ARHGEF37: variants seen among roughly 807,000 people sequenced by gnomAD.
ARHGEF37 encodes Rho guanine nucleotide exchange factor (GEF) 37.
ARHGEF37 carries 55 observed loss-of-function variants against 71.1 expected under a neutral mutation model. That is an observed-to-expected ratio of 0.77 (90% CI 0.62 to 0.97). ARHGEF37 has a LOEUF of 0.97. Ranked by LOEUF, ARHGEF37 falls within the 50% of genes least tolerant of loss-of-function variation. The probability of loss-of-function intolerance (pLI) is 0.00; values close to 1 mark genes in which losing one functional copy is unlikely to be tolerated. For missense variants in ARHGEF37, 765 were observed against 836.8 expected, an observed-to-expected ratio of 0.91 and a Z score of 1.06; for synonymous variants, 327 against 350.6, an observed-to-expected ratio of 0.93 and a Z score of 0.75.
intron 3 of ARHGEF37, among the ~76,000 whole-genome samples, chr5:149,603,178 C>T (rs759589926): frequency 3.0e-4 from 46 of 152,250 alleles, no homozygotes; most frequent in Admixed American, 5.2e-4. Flanking sequence ...GGTGATCCGC[C>T]CACCTCAGCC....
At chr5:149,621,638 T>C in intron 8 of ARHGEF37, 95 bp from the exon 9 acceptor site, 1 of 1,192,226 alleles carries the variant, frequency 8.4e-7, no homozygotes, top group Non-Finnish European at 1.2e-6. Context: ...GGAGTTAGAC[T>C]GGAATCCAGG....
chr5:149,602,059 CTTT>C (rs3073461), intron 3 of ARHGEF37, among the ~76,000 whole-genome samples: 105 of 143,262 alleles, frequency 7.3e-4, no homozygotes, highest in Admixed American at 1.1e-3. Flanking sequence ...TCTTTTCTTT[CTTT>C]TTTTTTTTTT....
intron 1 of ARHGEF37, among the ~76,000 whole-genome samples, chr5:149,556,254 C>T (rs966915282): frequency 3.9e-5 from 6 of 152,086 alleles, no homozygotes; most frequent in Non-Finnish European, 7.4e-5. Flanking sequence ...AGTACAGTGG[C>T]GCGATCTCAG....
Position 149,601,100 on chromosome 5 carries a change from C to G in ARHGEF37, c.187-8C>G. 1 of 1,608,718 alleles carries G rather than the reference C, an allele frequency of 6.2e-7. No individual in the cohort carries two copies. Among genetic ancestry groups the G allele is most frequent in the African/African-American group, 1.3e-5 (1 of 74,956 alleles). On this transcript the variant is annotated splice_region_variant and splice_polypyrimidine_tract_variant and intron_variant, in intron 2 of 12. Coordinates refer to ENST00000333677, the MANE Select transcript of ARHGEF37 (RefSeq NM_001001669.3). The stretch of plus-strand genomic sequence containing the variant: ...AACCACCTCTCATGGCTTCTTTGTT[C>G]CTTCCAGTTGCCGCAGGGAGATCTG...
upstream of ARHGEF37, among the ~76,000 whole-genome samples, chr5:149,551,704 C>A (rs557321057): frequency 1.8e-4 from 28 of 152,368 alleles, no homozygotes; most frequent in African/African-American, 6.5e-4. Context: ...GCTGAGTGGC[C>A]CCCCGGCCTT....
upstream of ARHGEF37, among the ~76,000 whole-genome samples, chr5:149,580,975 G>A (rs1312648517): frequency 2.0e-5 from 3 of 152,210 alleles, no homozygotes; most frequent in Non-Finnish European, 4.4e-5. Flanking sequence ...GCCCAGAACA[G>A]TGTCTTGCTC....
At chr5:149,626,241 AACACACACACACACACACACAC>A (rs58263212) in intron 10 of ARHGEF37, among the ~76,000 whole-genome samples, 1 of 133,636 alleles carries the variant, frequency 7.5e-6, no homozygotes, top group Non-Finnish European at 1.6e-5. Context: ...GAGCATGGTG[AACACACACACACACACACACAC>A]ACACACACAC....
In ARHGEF37 at chr5:149,634,855, A is replaced by G. The variant is rs1056189; in HGVS notation, c.*2664A>G. The G allele has an allele frequency of 0.11, 16,908 of 152,532 alleles. 1,452 individuals carry two copies. Among genetic ancestry groups the G allele is most frequent in the African/African-American group, 0.23 (9,531 of 41,484 alleles). 9.4% of individuals were successfully genotyped at this position (152,532 alleles called of 1,614,324 possible). Reference sequence around the variant, plus strand: ...CCCCAACTCAGTTGTGGAGATGAGGACAAGATTACAATATCAAAAGAAAGA... The same window carrying G: ...CCCCAACTCAGTTGTGGAGATGAGGGCAAGATTACAATATCAAAAGAAAGA... On this transcript the variant is annotated 3_prime_UTR_variant, in exon 13 of 13. Coordinates refer to ENST00000333677, the MANE Select transcript of ARHGEF37 (RefSeq NM_001001669.3).
At chr5:149,584,881 C>A (rs1027282968) in intron 1 of ARHGEF37, among the ~76,000 whole-genome samples, 5 of 152,132 alleles carry the variant, frequency 3.3e-5, no homozygotes, top group African/African-American at 1.2e-4. Flanking sequence ...CTTGGCCTCC[C>A]AAAGTGCTAG....
chr5:149,609,706 C>G lies in ARHGEF37; in HGVS notation c.458+11C>G. ...CGTTGAGGCGGTGGTGTGAGTAGAA[C>G]GGCCAGTGAGCACTCGCTCCTACCC... is the stretch of plus-strand genomic sequence containing the variant. On this transcript the variant is annotated intron_variant, in intron 4 of 12. Coordinates refer to ENST00000333677, the MANE Select transcript of ARHGEF37 (RefSeq NM_001001669.3). 1 of 1,612,084 alleles carries G rather than the reference C, an allele frequency of 6.2e-7. No homozygotes were observed. The highest frequency in any genetic ancestry group is 1.7e-5 in the Admixed American group (1 of 60,018).
chr5:149,565,590 G>T (rs910903961), intron 1 of ARHGEF37, among the ~76,000 whole-genome samples: 1 of 152,166 alleles, frequency 6.6e-6, no homozygotes, highest in African/African-American at 2.4e-5. Flanking sequence ...TAGCCATGAG[G>T]CATGTCTCTA....
intron 5 of ARHGEF37, among the ~76,000 whole-genome samples, chr5:149,617,573 C>T (rs143015181): frequency 8.9e-4 from 135 of 152,354 alleles, no homozygotes; most frequent in Non-Finnish European, 1.5e-3. Flanking sequence ...GAGGTTGGCC[C>T]TGTTAGCCCC....
intron 1 of ARHGEF37, among the ~76,000 whole-genome samples, chr5:149,596,746 G>T (rs554039360): frequency 6.6e-6 from 1 of 152,280 alleles, no homozygotes; most frequent in South Asian, 2.1e-4. Context: ...ACAGGAGGGG[G>T]CATGGCAAGT....
intron 10 of ARHGEF37, among the ~76,000 whole-genome samples, chr5:149,625,147 C>T (rs965118458): frequency 2.0e-5 from 3 of 152,084 alleles, no homozygotes; most frequent in Admixed American, 1.3e-4. Flanking sequence ...TCAAGTGATC[C>T]ACCCGCCTCA....
Position 149,621,734 on chromosome 5 carries a change from A to G in ARHGEF37, c.1007A>G (p.Lys336Arg), listed in dbSNP as rs757167558. 1 of 1,608,904 alleles carries G rather than the reference A, an allele frequency of 6.2e-7. No homozygotes were observed. Among genetic ancestry groups the G allele is most frequent in the Non-Finnish European group, 8.5e-7 (1 of 1,176,618 alleles). Residue 336 changes from lysine to arginine, a missense_variant and splice_region_variant, in exon 9 of 13, where the codon AAG becomes AGG. Lys to Arg is a conservative substitution (Grantham distance 26, BLOSUM62 2). Coordinates refer to ENST00000333677, the MANE Select transcript of ARHGEF37 (RefSeq NM_001001669.3). ...DLHLEAFLKF[K>R]QRLEGLVWQP... ...TCCCACGCTCATGTCTCCCCACAGA[A>G]GCAACGGCTAGAAGGCCTGGTGTGG...
chr5:149,612,231 G>T (rs746444728), intron 4 of ARHGEF37, among the ~76,000 whole-genome samples: 2 of 152,038 alleles, frequency 1.3e-5, no homozygotes, highest in Admixed American at 1.3e-4. Flanking sequence ...GCAGTGGCGC[G>T]ATCTCGGCCC....
chr5:149,600,856 CT>C (rs1333573919), intron 2 of ARHGEF37, among the ~76,000 whole-genome samples: 1 of 152,138 alleles, frequency 6.6e-6, no homozygotes. Flanking sequence ...CCAGGCTGGT[CT>C]TGAACTCCTG....
At chr5:149,612,224 G>A (rs1487969186) in intron 4 of ARHGEF37, among the ~76,000 whole-genome samples, 1 of 152,126 alleles carries the variant, frequency 6.6e-6, no homozygotes, top group Non-Finnish European at 1.5e-5. Flanking sequence ...CTGGAGTGCA[G>A]TGGCGCGATC....
chr5:149,626,594 G>A (rs1350600653), intron 10 of ARHGEF37, among the ~76,000 whole-genome samples: 1 of 152,182 alleles, frequency 6.6e-6, no homozygotes. Flanking sequence ...CCTGTGGACT[G>A]AAAACTCATG....
Sources: gnomAD v4.1 joint callset for allele counts (sites outside exome capture counted in the v4.1 genomes callset) on GRCh38, gnomAD v4.1.1 for gene constraint, MANE v1.5 for transcripts, NCBI Gene and HGNC (gene_info 2026-07-23, HGNC 2026-07-21) for gene names.